The following IFT140 variants were observed in gnomAD, a reference collection of about 807,000 sequenced individuals.
IFT140 encodes the protein intraflagellar transport 140.
In IFT140, 133 loss-of-function variants were observed where a neutral mutation model predicts 164.6. The observed-to-expected ratio is 0.81, with a 90% CI of 0.70 to 0.93. The LOEUF (loss-of-function observed/expected upper bound fraction) is 0.93, where lower values mean the gene tolerates loss of function less well. IFT140 is among the 40% of genes least tolerant of loss of function. IFT140 has a pLI of 0.00. For synonymous variants in IFT140, 860 were observed against 817.3 expected (o/e 1.05, Z -0.89); for missense variants, 2,045 against 1,972.3 (o/e 1.04, Z -0.70).
chr16:1,563,007 A>G (rs1358458372), intron 17 of IFT140, among the ~76,000 whole-genome samples: 1 of 152,094 alleles, frequency 6.6e-6, no homozygotes. Flanking sequence ...GTGAGTTCAG[A>G]CAAGGGCGCA....
chr16:1,571,344 C>T, intron 14 of IFT140, 63 bp downstream of exon 14: 1 of 1,515,502 alleles, frequency 6.6e-7, no homozygotes, highest in Non-Finnish European at 9.0e-7. Flanking sequence ...ACTTTCTACC[C>T]ATCACACTGT....
At chr16:1,563,654 T>C (rs1188245347) in intron 17 of IFT140, among the ~76,000 whole-genome samples, 2 of 151,974 alleles carry the variant, frequency 1.3e-5, no homozygotes, top group Admixed American at 1.3e-4. Context: ...CAATGGCAAA[T>C]CCATAGAGGT....
At chr16:1,539,867 C>T (rs893674379) in intron 19 of IFT140, among the ~76,000 whole-genome samples, 13 of 152,220 alleles carry the variant, frequency 8.5e-5, no homozygotes, top group Non-Finnish European at 1.6e-4. Context: ...CCGGGGACCC[C>T]GTGCCCCAGG....
At chr16:1,588,252 G>A (rs1487562053) in intron 7 of IFT140, among the ~76,000 whole-genome samples, 1 of 152,264 alleles carries the variant, frequency 6.6e-6, no homozygotes, top group East Asian at 1.9e-4. Flanking sequence ...TGGGCCGGCC[G>A]CAGTGGCTCA....
intron 19 of IFT140, among the ~76,000 whole-genome samples, chr16:1,538,920 C>A (rs2141266042): frequency 6.6e-6 from 1 of 152,316 alleles, no homozygotes; most frequent in African/African-American, 2.4e-5. Flanking sequence ...CCTGCTGGTC[C>A]CATCTGCACA....
chr16:1,523,760 C>T (rs2040591703), intron 25 of IFT140, 60 bp from the exon 26 acceptor site: 17 of 1,605,808 alleles, frequency 1.1e-5, no homozygotes, highest in Middle Eastern at 3.3e-4. Context: ...GCACGGAGGC[C>T]TCGCACAGGC....
At chr16:1,606,456 C>T (rs1261333354) in intron 3 of IFT140, among the ~76,000 whole-genome samples, 4 of 152,176 alleles carry the variant, frequency 2.6e-5, no homozygotes, top group African/African-American at 4.8e-5. Context: ...TGACGGATGT[C>T]GTTTTCTTTT....
At chr16:1,597,168 GT>G (rs1247932553) in intron 4 of IFT140, among the ~76,000 whole-genome samples, 1 of 152,168 alleles carries the variant, frequency 6.6e-6, no homozygotes, top group African/African-American at 2.4e-5. Context: ...TCAGGTGAGG[GT>G]TTACTTGACC....
chr16:1,524,672 T>G lies in IFT140; in HGVS notation c.3021A>C (p.Thr1007=). The change falls in exon 24 of 31, where the codon ACA becomes ACC. Residue 1007 remains threonine, a synonymous_variant. Transcript: ENST00000426508. ...GGTGGTAGGAGGCCGCCAGGTTTCC[T>G]GTCTCGTTGGCTATTTGCGCAGCCT... ...VQKAAQIANE[T]GNLAASYHLA... 1 of 1,576,268 alleles carries G rather than the reference T, an allele frequency of 6.3e-7. No individual in the cohort carries two copies. Among genetic ancestry groups the G allele is most frequent in the Non-Finnish European group, 8.6e-7 (1 of 1,156,212 alleles).
At chr16:1,592,136 A>C in intron 6 of IFT140, 40 bp downstream of exon 6, 3 of 1,610,874 alleles carry the variant, frequency 1.9e-6, no homozygotes, top group Non-Finnish European at 2.5e-6. Flanking sequence ...ACACCCCTAA[A>C]ATGCTAGGAC....
In IFT140 at chr16:1,518,276, G is replaced by A; in HGVS notation, c.4122C>T (p.Arg1374=). The A allele has an allele frequency of 6.2e-7, 1 of 1,614,174 alleles. No homozygotes were observed. The highest frequency in any genetic ancestry group is 2.2e-5 in the East Asian group (1 of 44,860). The change falls in exon 30 of 31, where the codon CGC becomes CGT. Residue 1374 remains arginine (R), a synonymous_variant. Coordinates refer to ENST00000426508, the MANE Select transcript of IFT140 (RefSeq NM_014714.4). ...LEEPDLDSTI[R]IGDVYGFLVE... ...CCAGGAAGCCATAGACGTCCCCGAT[G>A]CGGATGGTGCTGTCCAGGTCTGGTT...
At chr16:1,595,693 G>A (rs1296544750) in intron 4 of IFT140, among the ~76,000 whole-genome samples, 1 of 151,820 alleles carries the variant, frequency 6.6e-6, no homozygotes, top group Non-Finnish European at 1.5e-5. Context: ...GTAAGTACAC[G>A]TCATAGGAAT....
chr16:1,598,716 C>G (rs2035592766), intron 4 of IFT140, among the ~76,000 whole-genome samples: 2 of 152,264 alleles, frequency 1.3e-5, no homozygotes, highest in South Asian at 2.1e-4. Flanking sequence ...AGGGCATGCC[C>G]CGGGACCCAT....
Position 1,525,338 on chromosome 16 carries a change from G to A in IFT140, c.2769-12C>T. The A allele has an allele frequency of 6.2e-7, 1 of 1,602,680 alleles. No homozygotes were observed. Among genetic ancestry groups the A allele is most frequent in the East Asian group, 2.2e-5 (1 of 44,844 alleles). On this transcript the variant is annotated splice_polypyrimidine_tract_variant and intron_variant, in intron 21 of 30. Coordinates refer to ENST00000426508, the MANE Select transcript of IFT140 (RefSeq NM_014714.4). Reference sequence around the variant, plus strand: ...CCGACTTCTCGTAGCTGTGAGAGAAGGAGACAGAGGTCCTCGTTCCCTCCC... The same window carrying A: ...CCGACTTCTCGTAGCTGTGAGAGAAAGAGACAGAGGTCCTCGTTCCCTCCC...
Position 1,539,520 on chromosome 16 carries a change from C to T in IFT140, c.2400-12724G>A, listed in dbSNP as rs1269966577. On this transcript the variant is annotated intron_variant, in intron 19 of 30. Coordinates refer to ENST00000426508, the MANE Select transcript of IFT140 (RefSeq NM_014714.4). ...GGTCCTCACCTGCTGCCAGGCTTTCCCGCTGTCCGTACGGGAACCCCTTGG... is the reference window on the plus strand; with the variant it reads ...GGTCCTCACCTGCTGCCAGGCTTTCTCGCTGTCCGTACGGGAACCCCTTGG... 1.3e-5 allele frequency among the ~76,000 whole-genome samples: 2 copies of T among 152,270 alleles called. 1 individual carries two copies. The highest frequency in any genetic ancestry group is 1.3e-4 in the Admixed American group (2 of 15,294).
At chr16:1,584,692 C>T (rs991720214) in intron 10 of IFT140, among the ~76,000 whole-genome samples, 2 of 151,986 alleles carry the variant, frequency 1.3e-5, no homozygotes, top group Non-Finnish European at 2.9e-5. Flanking sequence ...AGAGCGTTTT[C>T]TAGAGTTTTT....
chr16:1,515,933 G>A (rs1003824033), intron 30 of IFT140, among the ~76,000 whole-genome samples: 2 of 151,936 alleles, frequency 1.3e-5, no homozygotes, highest in African/African-American at 4.8e-5. Flanking sequence ...CTGAGGTTGG[G>A]AGTTTGAGAC....
rs780578850 is a variant in IFT140 at position 1,533,167 on chromosome 16, C to A, written c.2400-6371G>T. The A allele has an allele frequency of 4.6e-5, 7 of 152,540 alleles. No individual in the cohort carries two copies. The highest frequency in any genetic ancestry group is 1.0e-4 in the Non-Finnish European group (7 of 68,342). The allele number at this position is 152,540 out of a possible 1,614,324, so 9.4% of individuals were successfully genotyped here. ...CTCCAAGTACAGGTCCCTGGCCCTG[C>A]AGGTCTGGGTGAACTTGCTCCCTCC... On this transcript the variant is annotated intron_variant, in intron 19 of 30. Transcript: ENST00000426508. This position sits in a 1 kb window ranked among gnomAD's most constrained non-coding sequence, Gnocchi z 4.7.
chr16:1,590,471 T>C (rs1339510382), intron 6 of IFT140, among the ~76,000 whole-genome samples: 1 of 152,126 alleles, frequency 6.6e-6, no homozygotes, highest in African/African-American at 2.4e-5. Context: ...GCCCTGGGTG[T>C]CGCTGCTGTG....
Sources: gnomAD v4.1 joint callset for allele counts (sites outside exome capture counted in the v4.1 genomes callset) on GRCh38, gnomAD v4.1.1 for gene constraint, Gnocchi (gnomAD v3.1) non-coding constraint, MANE v1.5 for transcripts, NCBI Gene and HGNC (gene_info 2026-07-23, HGNC 2026-07-21) for gene names.